The following CSMD1 variants were observed in gnomAD, a reference collection of about 807,000 sequenced individuals.
CSMD1 encodes the protein CUB and Sushi multiple domains 1, also known as CUB and sushi domain-containing protein 1.
In CSMD1, 213 loss-of-function variants were observed where a neutral mutation model predicts 417.5. That is an observed-to-expected ratio of 0.51 (90% CI 0.46 to 0.57). The LOEUF is 0.57. Among genes scored for constraint, CSMD1 ranks in the 20% least tolerant of loss-of-function variants. The pLI, the probability that CSMD1 is intolerant of heterozygous loss-of-function variation, is 0.00. For synonymous variants in CSMD1, 2,862 were observed against 1,736.8 expected (o/e 1.65, Z -16.11); for missense variants, 6,923 against 4,529.7 (o/e 1.53, Z -15.17).
In CSMD1 at chr8:3,857,453, G is replaced by A. The variant is rs141487806; in HGVS notation, c.819-103411C>T. On this transcript the variant is annotated intron_variant, in intron 5 of 69. Coordinates refer to ENST00000635120, the MANE Select transcript of CSMD1 (RefSeq NM_033225.6). The stretch of plus-strand genomic sequence containing the variant: ...TAAATCCAAGCCAGATGGGACCTTG[G>A]AGAACTTCTGGACAAATATCCCACC... 3.3e-5 allele frequency among the ~76,000 whole-genome samples: 5 copies of A among 152,284 alleles called. No individual in the cohort carries two copies. The East Asian group carries it at 9.6e-4, about 29-fold the overall frequency.
At chr8:4,017,948 G>T (rs1258792867) in intron 4 of CSMD1, among the ~76,000 whole-genome samples, 4 of 152,014 alleles carry the variant, frequency 2.6e-5, no homozygotes, top group African/African-American at 7.3e-5. Flanking sequence ...GCACACAATG[G>T]GCAACTATAG....
intron 7 of CSMD1, among the ~76,000 whole-genome samples, chr8:3,698,648 G>C (rs542139504): frequency 1.3e-5 from 2 of 152,246 alleles, no homozygotes; most frequent in Admixed American, 6.5e-5. Flanking sequence ...GATGATGAGA[G>C]GCATTTCTGG....
In CSMD1 at chr8:2,966,592, T is replaced by A. The variant is rs1803981852; in HGVS notation, c.9078A>T (p.Thr3026=). 1 of 1,613,744 alleles carries A rather than the reference T, an allele frequency of 6.2e-7. No homozygotes were observed. The highest frequency in any genetic ancestry group is 8.5e-7 in the Non-Finnish European group (1 of 1,179,750). The change falls in exon 58 of 70, where the codon ACA becomes ACT. Residue 3026 remains threonine (T), a synonymous_variant. Transcript: ENST00000635120. ...TRHCTANGTW[T]GTAPDCTIIS... Reference sequence around the variant, plus strand: ...AACTTGTGCAGTCGGGAGCAGTGCCTGTCCAGGTCCCATTGGCTGTGCAAT... The same window carrying A: ...AACTTGTGCAGTCGGGAGCAGTGCCAGTCCAGGTCCCATTGGCTGTGCAAT...
chr8:4,445,932 C>G (rs73660834), intron 2 of CSMD1, among the ~76,000 whole-genome samples: 1 of 152,048 alleles, frequency 6.6e-6, no homozygotes, highest in African/African-American at 2.4e-5. Flanking sequence ...TTCAGCTGGT[C>G]AGAGAAAAAG....
At chr8:4,150,536 G>A (rs954148484) in intron 3 of CSMD1, among the ~76,000 whole-genome samples, 1 of 152,170 alleles carries the variant, frequency 6.6e-6, no homozygotes, top group African/African-American at 2.4e-5. Flanking sequence ...GTTCTTCCAA[G>A]TGTAATGAAT....
chr8:4,560,678 T>C (rs762852964), intron 2 of CSMD1, among the ~76,000 whole-genome samples: 8 of 152,216 alleles, frequency 5.3e-5, no homozygotes, highest in Non-Finnish European at 5.9e-5. Context: ...CTTAACTCTT[T>C]ACAAGCAAGA....
chr8:3,406,664 T>C (rs932994561), intron 14 of CSMD1, among the ~76,000 whole-genome samples: 11 of 152,298 alleles, frequency 7.2e-5, no homozygotes, highest in African/African-American at 2.6e-4. Context: ...ACTAAATTTA[T>C]ATCCTCTAGT....
At chr8:3,351,490 A>AC (rs1808418312) in intron 21 of CSMD1, among the ~76,000 whole-genome samples, 4 of 151,896 alleles carry the variant, frequency 2.6e-5, no homozygotes, top group African/African-American at 9.6e-5. Context: ...ACATGCCTGT[A>AC]ATCCCAGCTA....
intron 40 of CSMD1, 36 bp downstream of exon 40, chr8:3,151,361 A>C (rs1563089624): frequency 7.3e-7 from 1 of 1,361,436 alleles, no homozygotes; most frequent in South Asian, 1.2e-5. Context: ...AAATGAAAAA[A>C]ATGAACTTTT....
At chr8:4,800,613 G>A (rs779547953) in intron 1 of CSMD1, among the ~76,000 whole-genome samples, 4 of 152,226 alleles carry the variant, frequency 2.6e-5, no homozygotes, top group Non-Finnish European at 5.9e-5. Flanking sequence ...CAAAGGGGTA[G>A]AGTCACAGAC....
intron 12 of CSMD1, among the ~76,000 whole-genome samples, chr8:3,429,339 A>C (rs2117013216): frequency 6.6e-6 from 1 of 152,346 alleles, no homozygotes; most frequent in Non-Finnish European, 1.5e-5. Context: ...TGCAAAAATT[A>C]TTTTGGGAAA....
At chr8:4,709,417 C>G (rs1161124153) in intron 1 of CSMD1, among the ~76,000 whole-genome samples, 1 of 152,094 alleles carries the variant, frequency 6.6e-6, no homozygotes, top group Non-Finnish European at 1.5e-5. Context: ...ACTCTTTTTA[C>G]TTGGGGCTGC....
intron 1 of CSMD1, among the ~76,000 whole-genome samples, chr8:4,833,684 G>A (rs965019782): frequency 2.6e-5 from 4 of 152,178 alleles, no homozygotes; most frequent in African/African-American, 9.7e-5. Context: ...CACAGCAAGA[G>A]CTGGATCAAT....
At chr8:3,417,726 T>TC (rs1160396721) in intron 12 of CSMD1, among the ~76,000 whole-genome samples, 1 of 152,216 alleles carries the variant, frequency 6.6e-6, no homozygotes, top group East Asian at 1.9e-4. Flanking sequence ...ATTCTCATTT[T>TC]TTTTCCCTGA....
chr8:4,866,270 T>C (rs1430862850), intron 1 of CSMD1, among the ~76,000 whole-genome samples: 2 of 151,960 alleles, frequency 1.3e-5, no homozygotes, highest in Non-Finnish European at 2.9e-5. Flanking sequence ...TTCACTTTCT[T>C]GGTTCTTAGT....
chr8:4,303,364 T>C (rs1015559230), intron 3 of CSMD1, among the ~76,000 whole-genome samples: 10 of 151,288 alleles, frequency 6.6e-5, no homozygotes, highest in African/African-American at 2.4e-4. Flanking sequence ...CACCAAAATC[T>C]TCAAATAATT....
intron 23 of CSMD1, among the ~76,000 whole-genome samples, chr8:3,317,308 G>T (rs946919709): frequency 6.6e-6 from 1 of 152,210 alleles, no homozygotes; most frequent in Non-Finnish European, 1.5e-5. Context: ...GAGGAGCACA[G>T]AGCGAGACAA....
intron 3 of CSMD1, among the ~76,000 whole-genome samples, chr8:4,083,354 T>C (rs1800241788): frequency 6.6e-6 from 1 of 152,202 alleles, no homozygotes; most frequent in South Asian, 2.1e-4. Context: ...TTTGCATTTC[T>C]CTGATGGCCA....
chr8:4,576,692 A>G (rs1196962953), intron 2 of CSMD1, among the ~76,000 whole-genome samples: 2 of 152,196 alleles, frequency 1.3e-5, no homozygotes, highest in East Asian at 3.8e-4. Flanking sequence ...AGTCATAAGT[A>G]GCTAGAAGTC....
Sources: gnomAD v4.1 joint callset for allele counts (sites outside exome capture counted in the v4.1 genomes callset) on GRCh38, gnomAD v4.1.1 for gene constraint, MANE v1.5 for transcripts, NCBI Gene and HGNC (gene_info 2026-07-23, HGNC 2026-07-21) for gene names.